The following TNNI3K variants were observed in gnomAD, a reference collection of about 807,000 sequenced individuals.
TNNI3K encodes TNNI3 interacting kinase.
Under a neutral mutation model 114.5 loss-of-function variants are expected in TNNI3K, and 140 were observed. That is an observed-to-expected ratio of 1.22 (90% CI 1.07 to 1.41). TNNI3K has a LOEUF of 1.41. TNNI3K is among the 40% of genes most tolerant of loss of function. The probability of loss-of-function intolerance (pLI) is 0.00; values close to 1 mark genes in which losing one functional copy is unlikely to be tolerated. For missense variants in TNNI3K, 1,125 were observed against 1,007.6 expected (o/e 1.12, Z -1.58); for synonymous variants, 347 against 347.5 (o/e 1.00, Z 0.02).
chr1:74,496,007 A>G (rs939418979), intron 23 of TNNI3K, among the ~76,000 whole-genome samples: 2 of 152,190 alleles, frequency 1.3e-5, no homozygotes, highest in Admixed American at 1.3e-4. Context: ...AGCTTGTGAG[A>G]CAGTGGTTCT....
At chr1:74,355,915 T>G (rs1169571042) in intron 11 of TNNI3K, among the ~76,000 whole-genome samples, 3 of 152,152 alleles carry the variant, frequency 2.0e-5, no homozygotes, top group Non-Finnish European at 4.4e-5. Flanking sequence ...AATACAAACA[T>G]ATATATACCT....
At chr1:74,409,492 CTT>C (rs540218540) in intron 17 of TNNI3K, among the ~76,000 whole-genome samples, 14 of 124,894 alleles carry the variant, frequency 1.1e-4, no homozygotes, top group East Asian at 2.3e-4. Flanking sequence ...CTATTTGTTT[CTT>C]TTTTTTTTTT....
chr1:74,495,953 T>C (rs1357402573), intron 23 of TNNI3K, among the ~76,000 whole-genome samples: 1 of 152,064 alleles, frequency 6.6e-6, no homozygotes, highest in Non-Finnish European at 1.5e-5. Flanking sequence ...AGCCCAAGGA[T>C]ATAAAAATTG....
At chr1:74,367,077 T>C (rs1003625657) in intron 11 of TNNI3K, among the ~76,000 whole-genome samples, 179 bp from the exon 12 acceptor site, 2 of 152,008 alleles carry the variant, frequency 1.3e-5, no homozygotes, top group Non-Finnish European at 2.9e-5. Flanking sequence ...TCGCATATGG[T>C]AGTCTTAAGA....
chr1:74,332,432 C>G (rs1660252431), intron 6 of TNNI3K, among the ~76,000 whole-genome samples: 2 of 151,996 alleles, frequency 1.3e-5, no homozygotes, highest in South Asian at 4.1e-4. Context: ...TCCCAAGTAG[C>G]TGAGACTACA....
intron 20 of TNNI3K, among the ~76,000 whole-genome samples, chr1:74,444,893 A>G (rs1666562173): frequency 6.6e-6 from 1 of 152,092 alleles, no homozygotes; most frequent in Admixed American, 6.5e-5. Flanking sequence ...TTACACATCT[A>G]TAACCATCTG....
chr1:74,314,776 A>G (rs1442568787), intron 5 of TNNI3K, among the ~76,000 whole-genome samples: 1 of 152,212 alleles, frequency 6.6e-6, no homozygotes. Context: ...TAATTTGATT[A>G]CAATTTGGGT....
chr1:74,397,842 T>A (rs1664164857), intron 17 of TNNI3K, among the ~76,000 whole-genome samples: 1 of 152,182 alleles, frequency 6.6e-6, no homozygotes, highest in African/African-American at 2.4e-5. Flanking sequence ...GATTACCCAA[T>A]AACTAGTCAG....
intron 17 of TNNI3K, among the ~76,000 whole-genome samples, chr1:74,411,152 T>A (rs940158256): frequency 1.3e-5 from 2 of 152,170 alleles, no homozygotes; most frequent in Non-Finnish European, 2.9e-5. Context: ...GCTTTTATGA[T>A]GTCTATATAC....
intron 4 of TNNI3K, among the ~76,000 whole-genome samples, chr1:74,263,452 A>G (rs1327963196): frequency 1.3e-5 from 2 of 152,050 alleles, no homozygotes; most frequent in Non-Finnish European, 2.9e-5. Context: ...TTGATGTTTT[A>G]TAAGTGAAGA....
chr1:74,322,559 C>T (rs1250487609), intron 5 of TNNI3K, among the ~76,000 whole-genome samples: 1 of 150,922 alleles, frequency 6.6e-6, no homozygotes, highest in Non-Finnish European at 1.5e-5. Flanking sequence ...CTCCCAGGTT[C>T]AAGCAATTCT....
At chr1:74,395,532 A>G (rs1664032743) in intron 17 of TNNI3K, among the ~76,000 whole-genome samples, 1 of 152,176 alleles carries the variant, frequency 6.6e-6, no homozygotes, top group African/African-American at 2.4e-5. Flanking sequence ...CTCGTGTTTG[A>G]GCCAAGGTAG....
In TNNI3K at chr1:74,250,766, C is replaced by T. The variant is rs1007039876; in HGVS notation, c.330C>T (p.Tyr110=). ...TTACAGCCTTGCATTTAGCAGTTTA[C>T]AAGGTAGGACACTTTAATTCCCATA... is the stretch of plus-strand genomic sequence containing the variant. ...NGFTALHLAV[Y]KDNAELITSL... Residue 110 remains tyrosine (Y), a synonymous_variant, in exon 4 of 25, where the codon TAC becomes TAT. Transcript: ENST00000326637. 7 of 1,597,328 alleles carry T rather than the reference C, an allele frequency of 4.4e-6. No homozygotes were observed. Among genetic ancestry groups the T allele is most frequent in the Middle Eastern group, 1.7e-4 (1 of 5,998 alleles).
chr1:74,243,005 A>G (rs1487813273), intron 2 of TNNI3K, among the ~76,000 whole-genome samples: 4 of 152,054 alleles, frequency 2.6e-5, no homozygotes, highest in African/African-American at 7.2e-5. Context: ...CCTGTTTTGA[A>G]GAGCAAAACA....
chr1:74,507,223 A>ACAC (rs1669949998), intron 23 of TNNI3K, among the ~76,000 whole-genome samples: 1 of 120,328 alleles, frequency 8.3e-6, no homozygotes, highest in Non-Finnish European at 1.7e-5. Flanking sequence ...AAATTTCTTC[A>ACAC]CCCCCCCCCC....
chr1:74,463,047 T>G (rs1353547771), intron 20 of TNNI3K, among the ~76,000 whole-genome samples: 1 of 152,250 alleles, frequency 6.6e-6, no homozygotes, highest in Admixed American at 6.5e-5. Flanking sequence ...ATTCCATGTT[T>G]ACTACATACA....
chr1:74,474,294 G>A (rs535242334), intron 21 of TNNI3K, among the ~76,000 whole-genome samples: 1 of 152,174 alleles, frequency 6.6e-6, no homozygotes, highest in African/African-American at 2.4e-5. Context: ...GTCTGACCTG[G>A]TTTCTATGGC....
intron 20 of TNNI3K, among the ~76,000 whole-genome samples, chr1:74,453,834 A>G (rs144622651): frequency 1.4e-3 from 207 of 152,230 alleles, no homozygotes; most frequent in African/African-American, 4.9e-3. Flanking sequence ...CGCTCCAGCC[A>G]AACAGCGCTG....
At chr1:74,535,824 A>G (rs1428681905) in intron 23 of TNNI3K, among the ~76,000 whole-genome samples, 1 of 152,196 alleles carries the variant, frequency 6.6e-6, no homozygotes, top group Non-Finnish European at 1.5e-5. Flanking sequence ...AATTGAATCT[A>G]ACCACTCGTC....
Sources: gnomAD v4.1 joint callset for allele counts (sites outside exome capture counted in the v4.1 genomes callset) on GRCh38, gnomAD v4.1.1 for gene constraint, MANE v1.5 for transcripts, NCBI Gene and HGNC (gene_info 2026-07-23, HGNC 2026-07-21) for gene names.